PAK5: variants seen among roughly 807,000 people sequenced by gnomAD.
PAK5 encodes serine/threonine-protein kinase PAK 5.
A neutral mutation model predicts 65.9 loss-of-function variants in PAK5; 16 were observed. The observed-to-expected ratio is 0.24, with a 90% CI of 0.16 to 0.37. The LOEUF is 0.37. Among genes scored for constraint, PAK5 ranks in the 10% least tolerant of loss-of-function variants. PAK5 has a pLI of 1.00. For missense variants in PAK5, 785 were observed against 903.9 expected (o/e 0.87, Z 1.69); for synonymous variants, 371 against 354.9 (o/e 1.05, Z -0.51).
At chr20:9,572,172 T>C (rs578151895) in intron 4 of PAK5, among the ~76,000 whole-genome samples, 1 of 151,630 alleles carries the variant, frequency 6.6e-6, no homozygotes, top group South Asian at 2.1e-4. Flanking sequence ...TCTATGTACA[T>C]CATTCATCAT....
At chr20:9,612,697 T>A (rs538984844) in intron 3 of PAK5, among the ~76,000 whole-genome samples, 3 of 152,054 alleles carry the variant, frequency 2.0e-5, no homozygotes, top group Admixed American at 6.5e-5. Flanking sequence ...CAATGCAACA[T>A]GAGATTTGAG....
intron 2 of PAK5, among the ~76,000 whole-genome samples, chr20:9,695,330 T>G (rs1025703499): frequency 3.9e-5 from 6 of 152,102 alleles, no homozygotes; most frequent in Non-Finnish European, 5.9e-5. Context: ...CTTTTCGTGC[T>G]CAAAGATGTA....
At chr20:9,639,910 A>C (rs976065249) in intron 3 of PAK5, among the ~76,000 whole-genome samples, 1 of 152,228 alleles carries the variant, frequency 6.6e-6, no homozygotes, top group African/African-American at 2.4e-5. Flanking sequence ...CTAAGATGAA[A>C]GCCTCTTTCT....
intron 1 of PAK5, among the ~76,000 whole-genome samples, chr20:9,757,127 T>A (rs1328919251): frequency 1.3e-5 from 2 of 152,146 alleles, no homozygotes; most frequent in Non-Finnish European, 2.9e-5. Context: ...TCATTTCTCC[T>A]CTCCTAGGTA....
intron 1 of PAK5, among the ~76,000 whole-genome samples, chr20:9,717,331 A>G (rs6056823): frequency 9.8e-5 from 15 of 152,316 alleles, no homozygotes; most frequent in African/African-American, 3.6e-4. Context: ...TTATTTACTC[A>G]TCTGAAAGAT....
chr20:9,674,917 G>A (rs2123381523), intron 2 of PAK5, among the ~76,000 whole-genome samples: 1 of 152,316 alleles, frequency 6.6e-6, no homozygotes. Context: ...CATTGGCTGA[G>A]AGTAATGCCT....
chr20:9,640,258 G>A lies in PAK5; in HGVS notation c.204+3867C>T, dbSNP rs142371794. On this transcript the variant is annotated intron_variant, in intron 3 of 9. Transcript: ENST00000353224. ...CCTGGTGTGTGATGTTCCCCTTCCT[G>A]TGTCCATGTGTTCTTATTGTTCACT... Among the ~76,000 whole-genome samples the A allele has an allele frequency of 8.2e-3, 1,037 of 127,068 alleles. 5 individuals carry two copies. The highest frequency in any genetic ancestry group is 0.013 in the Admixed American group (127 of 9,438). 83.4% of individuals were successfully genotyped at this position (127,068 alleles called of 152,430 possible). A position where few individuals can be genotyped will look rare whatever the true frequency, so the allele number is the denominator to read the frequency against.
chr20:9,601,488 A>G (rs982588501), intron 3 of PAK5, among the ~76,000 whole-genome samples: 23 of 152,344 alleles, frequency 1.5e-4, no homozygotes, highest in African/African-American at 4.8e-4. Flanking sequence ...ATTACACCTC[A>G]TCTTACAAAT....
intron 1 of PAK5, among the ~76,000 whole-genome samples, chr20:9,790,988 C>G (rs985811346): frequency 2.6e-5 from 4 of 152,048 alleles, no homozygotes; most frequent in African/African-American, 9.7e-5. Flanking sequence ...GCTTCCATGA[C>G]CTTCCTTCTC....
At chr20:9,712,167 A>G (rs1267566818) in intron 1 of PAK5, among the ~76,000 whole-genome samples, 1 of 152,174 alleles carries the variant, frequency 6.6e-6, no homozygotes, top group Non-Finnish European at 1.5e-5. Flanking sequence ...GGAAACACCA[A>G]CATTAAGCAC....
chr20:9,676,077 G>C (rs1007168694), intron 2 of PAK5, among the ~76,000 whole-genome samples: 2 of 152,094 alleles, frequency 1.3e-5, no homozygotes, highest in Admixed American at 6.6e-5. Context: ...AATCATGTTG[G>C]AAGACAAGGA....
intron 2 of PAK5, among the ~76,000 whole-genome samples, chr20:9,653,915 C>A (rs2123307493): frequency 6.6e-6 from 1 of 152,010 alleles, no homozygotes; most frequent in African/African-American, 2.4e-5. Context: ...CTCTCTCTGA[C>A]TGTTATTCCA....
intron 6 of PAK5, among the ~76,000 whole-genome samples, chr20:9,560,684 T>C (rs768442984): frequency 4.2e-4 from 64 of 152,184 alleles, no homozygotes; most frequent in Admixed American, 1.3e-3. Context: ...CCTGTTTGAA[T>C]TGTAGCTTCA....
At chr20:9,569,148 C>A (rs771854778) in intron 4 of PAK5, among the ~76,000 whole-genome samples, 1 of 152,176 alleles carries the variant, frequency 6.6e-6, no homozygotes, top group African/African-American at 2.4e-5. Context: ...TTGAACAGCA[C>A]TATTTTTTGC....
intron 6 of PAK5, among the ~76,000 whole-genome samples, chr20:9,558,249 C>T (rs2045541302): frequency 6.6e-6 from 1 of 151,772 alleles, no homozygotes; most frequent in African/African-American, 2.4e-5. Context: ...GTAGCTGGGA[C>T]TACAGGCGCC....
Position 9,580,891 on chromosome 20 carries a change from T to C in PAK5, c.244A>G (p.Ile82Val). The change falls in exon 4 of 10, where the codon ATC (isoleucine) becomes GTC (valine). Residue 82 changes from isoleucine to valine, a missense_variant. Coordinates refer to ENST00000353224, the MANE Select transcript of PAK5 (RefSeq NM_177990.4). Reference sequence around the variant, plus strand: ...TCAAAATCCTCTAGCAGGCCGTTGATGGAGGTTTCCTTGCAGGGTTTGTTT... The same window carrying C: ...TCAAAATCCTCTAGCAGGCCGTTGACGGAGGTTTCCTTGCAGGGTTTGTTT... The part of the protein sequence containing the change: ...RGNKPCKETS[I>V]NGLLEDFDNI... 6.2e-7 allele frequency: 1 copy of C among 1,607,394 alleles called. No individual in the cohort carries two copies. The highest frequency in any genetic ancestry group is 8.5e-7 in the Non-Finnish European group (1 of 1,176,718).
At chr20:9,589,524 G>T (rs1224902583) in intron 3 of PAK5, among the ~76,000 whole-genome samples, 1 of 152,142 alleles carries the variant, frequency 6.6e-6, no homozygotes, top group Non-Finnish European at 1.5e-5. Flanking sequence ...GAACATTTGA[G>T]CATTGCATAT....
At chr20:9,725,935 T>C (rs1251368638) in intron 1 of PAK5, among the ~76,000 whole-genome samples, 1 of 152,108 alleles carries the variant, frequency 6.6e-6, no homozygotes. Flanking sequence ...AAAATTTCAG[T>C]AATAAGAAAA....
chr20:9,570,766 A>G (rs959842058), intron 4 of PAK5, among the ~76,000 whole-genome samples: 4 of 152,230 alleles, frequency 2.6e-5, no homozygotes, highest in African/African-American at 9.6e-5. Context: ...CCCCACAAGC[A>G]TGTATAACTG....
Sources: gnomAD v4.1 joint callset for allele counts (sites outside exome capture counted in the v4.1 genomes callset) on GRCh38, gnomAD v4.1.1 for gene constraint, MANE v1.5 for transcripts, NCBI Gene and HGNC (gene_info 2026-07-23, HGNC 2026-07-21) for gene names.